Variants in HORMAD2 observed in about 807,000 individuals in gnomAD.
The protein encoded by HORMAD2 is HORMA domain-containing protein 2.
Under a neutral mutation model 38.8 loss-of-function variants are expected in HORMAD2, and 45 were observed. The ratio of observed to expected loss-of-function variants is 1.16; its 90% CI spans 0.91 to 1.49. HORMAD2 has a LOEUF of 1.49. Ranked by LOEUF, HORMAD2 falls within the 40% of genes most tolerant of loss-of-function variation. The pLI, the probability that HORMAD2 is intolerant of heterozygous loss-of-function variation, is 0.00. For missense variants in HORMAD2, 338 were observed against 367.0 expected (o/e 0.92, Z 0.65); for synonymous variants, 126 against 122.8 (o/e 1.03, Z -0.17).
chr22:30,084,105 A>G (rs1282629871), intron 1 of HORMAD2, among the ~76,000 whole-genome samples: 1 of 152,194 alleles, frequency 6.6e-6, no homozygotes, highest in Non-Finnish European at 1.5e-5. Flanking sequence ...AGAAAATTAG[A>G]TATTTGGACT....
At chr22:30,186,358 CT>C in the HORMAD2 span, among the ~76,000 whole-genome samples, 12,256 of 132,884 alleles carry the variant, frequency 0.092, 806 homozygotes, top group South Asian at 0.23. Flanking sequence ...TCCTTCTGTC[CT>C]TTTTTTTTTT....
chr22:30,153,574 A>G (rs1056295588), intron 10 of HORMAD2, among the ~76,000 whole-genome samples: 1 of 152,096 alleles, frequency 6.6e-6, no homozygotes, highest in African/African-American at 2.4e-5. Context: ...CTTTCTTTCC[A>G]TTGGCCCAAA....
At chr22:30,133,045 T>C (rs1354195462) in intron 10 of HORMAD2, among the ~76,000 whole-genome samples, 1 of 152,202 alleles carries the variant, frequency 6.6e-6, no homozygotes, top group East Asian at 1.9e-4. Context: ...AATAATACAA[T>C]GTTATCATTA....
chr22:30,162,693 G>C (rs1445114611), intron 10 of HORMAD2, among the ~76,000 whole-genome samples: 1 of 146,258 alleles, frequency 6.8e-6, no homozygotes, highest in African/African-American at 2.5e-5. Context: ...CATTTGATTT[G>C]TGGACATCTT....
chr22:30,141,240 C>T (rs1201378429), intron 10 of HORMAD2, among the ~76,000 whole-genome samples: 1 of 152,148 alleles, frequency 6.6e-6, no homozygotes, highest in Non-Finnish European at 1.5e-5. Context: ...TCAAGTGATC[C>T]ACCCACCTCG....
chr22:30,139,084 T>C (rs765360434), intron 10 of HORMAD2, among the ~76,000 whole-genome samples: 13 of 151,680 alleles, frequency 8.6e-5, no homozygotes, highest in Non-Finnish European at 1.6e-4. Context: ...TCTGCACCAT[T>C]GACTCTCCTG....
chr22:30,131,791 A>G (rs1280925169), intron 10 of HORMAD2, among the ~76,000 whole-genome samples: 2 of 152,170 alleles, frequency 1.3e-5, no homozygotes, highest in East Asian at 3.8e-4. Flanking sequence ...ATGTTTTAAG[A>G]TAGCTTTTTT....
the HORMAD2 span, among the ~76,000 whole-genome samples, chr22:30,202,383 G>T: frequency 6.6e-6 from 1 of 151,918 alleles, no homozygotes; most frequent in African/African-American, 2.4e-5. Flanking sequence ...TGAGGAGTGG[G>T]AGTTGAGTGG....
At chr22:30,115,543 C>G (rs1921977094) in intron 7 of HORMAD2, among the ~76,000 whole-genome samples, 1 of 152,110 alleles carries the variant, frequency 6.6e-6, no homozygotes, top group African/African-American at 2.4e-5. Flanking sequence ...ATGAACTCTA[C>G]CTTGGCCAAA....
intron 10 of HORMAD2, among the ~76,000 whole-genome samples, chr22:30,161,292 C>T (rs12171263): frequency 0.2 from 30,841 of 152,184 alleles, 3,730 homozygotes; most frequent in Middle Eastern, 0.38. Context: ...TGCTATGTTC[C>T]TCTCAACACC....
rs1329653326 is a variant in HORMAD2, at chr22:30,176,114, A to G, written c.871A>G (p.Lys291Glu). ...CSQQSSECSR[K>E]KRKVSEPVKV... ...TCAGCAAAGTTCTGAGTGCTCCAGGAAGAAGAGGAAGGTCAGTGAACCAGT... is the reference window on the plus strand; with the variant it reads ...TCAGCAAAGTTCTGAGTGCTCCAGGGAGAAGAGGAAGGTCAGTGAACCAGT... The change falls in exon 11 of 11, where the codon AAG (lysine) becomes GAG (glutamate). Residue 291 changes from lysine to glutamate, a missense_variant. Lys to Glu is a moderately conservative substitution (Grantham distance 56). Transcript: ENST00000336726. 2.5e-6 allele frequency: 4 copies of G among 1,613,286 alleles called. No individual in the cohort carries two copies. In the African/African-American group the frequency reaches 4.0e-5, roughly 16 times the overall value.
intron 3 of HORMAD2, 64 bp from the exon 4 acceptor site, chr22:30,103,373 A>C (rs1250941714): frequency 1.1e-6 from 1 of 879,184 alleles, no homozygotes; most frequent in South Asian, 1.4e-5. Context: ...CCTATTTAGC[A>C]TGGACAATTT....
chr22:30,197,996 G>A, the HORMAD2 span, among the ~76,000 whole-genome samples: 1 of 146,888 alleles, frequency 6.8e-6, no homozygotes, highest in Admixed American at 6.9e-5. Context: ...AGGCAACATG[G>A]TAAAATCTGT....
chr22:30,123,989 T>TC (rs1182302901), intron 10 of HORMAD2, among the ~76,000 whole-genome samples: 6 of 151,744 alleles, frequency 4.0e-5, no homozygotes, highest in Admixed American at 2.6e-4. Context: ...AGAATTTCTT[T>TC]CTTTTTTTTT....
At chr22:30,096,711 C>T (rs903765433) in intron 2 of HORMAD2, among the ~76,000 whole-genome samples, 3 of 152,166 alleles carry the variant, frequency 2.0e-5, no homozygotes, top group East Asian at 3.9e-4. Context: ...TCAAGTGATC[C>T]GCCCACCCCA....
chr22:30,197,821 T>A, the HORMAD2 span, among the ~76,000 whole-genome samples: 2 of 151,882 alleles, frequency 1.3e-5, no homozygotes, highest in Non-Finnish European at 2.9e-5. Context: ...ACCTAGAGAT[T>A]AGTCTAAGGT....
intron 1 of HORMAD2, among the ~76,000 whole-genome samples, chr22:30,082,413 C>T (rs1367973046): frequency 6.6e-6 from 1 of 152,120 alleles, no homozygotes; most frequent in African/African-American, 2.4e-5. Context: ...GTAAACTAAA[C>T]AGCAGCTGGC....
intron 1 of HORMAD2, among the ~76,000 whole-genome samples, chr22:30,087,871 C>A (rs2068598160): frequency 6.6e-6 from 1 of 152,088 alleles, no homozygotes; most frequent in Non-Finnish European, 1.5e-5. Context: ...CTGTGCCTGG[C>A]CATGCCAGCT....
At chr22:30,087,317 A>T (rs2068587468) in intron 1 of HORMAD2, among the ~76,000 whole-genome samples, 2 of 152,224 alleles carry the variant, frequency 1.3e-5, no homozygotes, top group African/African-American at 2.4e-5. Flanking sequence ...TCACATTCAA[A>T]TGTGTTGAGA....
Sources: allele counts gnomAD v4.1 joint callset (sites outside exome capture counted in the v4.1 genomes callset), GRCh38; gene constraint gnomAD v4.1.1; transcripts MANE v1.5; gene names NCBI Gene and HGNC (gene_info 2026-07-23, HGNC 2026-07-21).